The following MAS1 variants were observed in gnomAD, a reference collection of about 807,000 sequenced individuals.
MAS1 encodes MAS1 proto-oncogene, G protein-coupled receptor.
For synonymous variants in MAS1, 163 were observed against 164.2 expected (o/e 0.99, Z 0.05); for missense variants, 387 against 409.7 (o/e 0.94, Z 0.48).
chr6:159,894,418 CAA>C lies in MAS1; in HGVS notation c.-244+3305_-244+3306del, dbSNP rs5881344. On this transcript the variant is annotated intron_variant, in intron 1 of 2. Coordinates refer to ENST00000674077, the MANE Select transcript of MAS1 (RefSeq NM_002377.4). ...TGGGCGACAGAGTGAGACCCTGTCT[CAA>C]AAAAAAAAAAAAAAAAAAAGAATGG... Among the ~76,000 whole-genome samples, 538 of 79,116 alleles carry C rather than the reference CAA, an allele frequency of 6.8e-3. 3 individuals carry two copies. The highest frequency in any genetic ancestry group is 0.023 in the African/African-American group (467 of 20,666). The allele number at this position is 79,116 out of a possible 152,430, so 51.9% of individuals were successfully genotyped here.
At chr6:159,901,012 C>G in intron 2 of MAS1, among the ~76,000 whole-genome samples, 1 of 152,278 alleles carries the variant, frequency 6.6e-6, no homozygotes, top group South Asian at 2.1e-4. Flanking sequence ...AGTCCAAGAT[C>G]GAGGCACCGT....
intron 2 of MAS1, among the ~76,000 whole-genome samples, chr6:159,904,118 T>G (rs1248147947): frequency 6.6e-6 from 1 of 152,028 alleles, no homozygotes; most frequent in Non-Finnish European, 1.5e-5. Context: ...CTCTGTCAGG[T>G]CATCCTCAGT....
At chr6:159,895,917 T>G (rs1291215425) in intron 1 of MAS1, among the ~76,000 whole-genome samples, 5 of 152,206 alleles carry the variant, frequency 3.3e-5, no homozygotes, top group African/African-American at 1.2e-4. Context: ...TGCACAAAAT[T>G]TGCATCCATA....
Position 159,907,924 on chromosome 6 carries a change from T to A in MAS1, c.969T>A (p.Thr323=), listed in dbSNP as rs146451067. 6.9e-6 allele frequency: 11 copies of A among 1,593,860 alleles called. No homozygotes were observed. In the African/African-American group the frequency reaches 1.5e-4, roughly 22 times the overall value. The change falls in exon 3 of 3, where the codon ACT becomes ACA. Residue 323 remains threonine, a synonymous_variant. Transcript: ENST00000674077. ...ATTGTAATACGGTCACAGTTGAGAC[T>A]GTCGTCTAAGAACTGTGAGGGAAGT... ...KDNCNTVTVE[T]VV
At chr6:159,888,862 G>T (rs1370203399), upstream of MAS1, among the ~76,000 whole-genome samples, 1 of 152,154 alleles carries the variant, frequency 6.6e-6, no homozygotes, top group Non-Finnish European at 1.5e-5. Context: ...GACAAACCAA[G>T]CACAGAAATA....
Position 159,912,706 on chromosome 6 carries a change from C to T in MAS1, c.*4773C>T, listed in dbSNP as rs937504221. 1 of 152,194 alleles carries T rather than the reference C, an allele frequency of 6.6e-6. No homozygotes were observed. Among genetic ancestry groups the T allele is most frequent in the African/African-American group, 2.4e-5 (1 of 41,440 alleles). 9.4% of individuals were successfully genotyped at this position (152,194 alleles called of 1,614,324 possible). A position where few individuals can be genotyped will look rare whatever the true frequency, so the allele number is the denominator to read the frequency against. On this transcript the variant is annotated 3_prime_UTR_variant, in exon 3 of 3. Transcript: ENST00000674077. ...TTAGCACCAGAGTCTCTCTCACTGC[C>T]TCATCTACAGTTTTGTGGATCAGTC...
At chr6:159,904,522 T>G (rs141947630) in intron 2 of MAS1, among the ~76,000 whole-genome samples, 122 of 152,308 alleles carry the variant, frequency 8.0e-4, no homozygotes, top group Non-Finnish European at 1.5e-3. Context: ...TCCCACCAGA[T>G]AGTACTACCT....
Position 159,907,185 on chromosome 6 carries a change from A to T in MAS1, c.230A>T (p.Asp77Val). The T allele has an allele frequency of 8.7e-6, 14 of 1,614,254 alleles. No individual in the cohort carries two copies. Among genetic ancestry groups the T allele is most frequent in the Non-Finnish European group, 1.2e-5 (14 of 1,180,046 alleles). Residue 77 changes from aspartate (D) to valine (V), a missense_variant, in exon 3 of 3, where the codon GAC (aspartate) becomes GTC (valine). By Grantham distance (152) the Asp-to-Val change is radical. Transcript: ENST00000674077. The part of the protein sequence containing the change: ...TVYITHLSIA[D>V]ISLLFCIFIL... Reference sequence around the variant, plus strand: ...TACATCACCCACCTGTCTATCGCAGACATCTCACTGCTCTTCTGTATTTTC... The same window carrying T: ...TACATCACCCACCTGTCTATCGCAGTCATCTCACTGCTCTTCTGTATTTTC...
At chr6:159,896,523 G>A (rs1011935988) in intron 1 of MAS1, among the ~76,000 whole-genome samples, 1 of 152,198 alleles carries the variant, frequency 6.6e-6, no homozygotes, top group African/African-American at 2.4e-5. Flanking sequence ...TATCCTAAAT[G>A]TTGAATCTGG....
Position 159,907,741 on chromosome 6 carries a change from C to T in MAS1, c.786C>T (p.His262=). 1 of 1,613,694 alleles carries T rather than the reference C, an allele frequency of 6.2e-7. No individual in the cohort carries two copies. The highest frequency in any genetic ancestry group is 2.2e-5 in the East Asian group (1 of 44,840). Reference sequence around the variant, plus strand: ...ATTGGTCGACCTTTGGGAACCTACACCACATTTCCCTGCTCTTCTCCACAA... The same window carrying T: ...ATTGGTCGACCTTTGGGAACCTACATCACATTTCCCTGCTCTTCTCCACAA... ...YEYWSTFGNL[H]HISLLFSTIN... Residue 262 remains histidine, a synonymous_variant, in exon 3 of 3, where the codon CAC becomes CAT. Transcript: ENST00000674077.
At chr6:159,889,338 G>A (rs536776918), upstream of MAS1, among the ~76,000 whole-genome samples, 6 of 152,266 alleles carry the variant, frequency 3.9e-5, no homozygotes, top group East Asian at 7.7e-4. Flanking sequence ...GTCACTCTGC[G>A]CAGGGTTTCA....
At position 159,907,281 on chromosome 6, in the gene MAS1, C is replaced by A; in HGVS notation, c.326C>A (p.Ser109Ter). 6.2e-7 allele frequency: 1 copy of A among 1,614,178 alleles called. No homozygotes were observed. The highest frequency in any genetic ancestry group is 8.5e-7 in the Non-Finnish European group (1 of 1,180,022). The change falls in exon 3 of 3, where the codon TCA (serine) becomes TAA (stop). Residue 109 changes from serine to a stop codon, truncating the protein, a stop_gained. Transcript: ENST00000674077. LOFTEE classifies it low-confidence loss of function (END_TRUNC). ...SGHYYTIVTLSVTFLFGYNTG... is the reference protein window; with the variant it reads ...SGHYYTIVTL ...CATTACTACACAATTGTCACATTAT[C>A]AGTGACTTTTCTGTTTGGCTACAAC...
chr6:159,906,997 CA>C lies in MAS1; in HGVS notation c.43del (p.Thr15ArgfsTer26). The C allele has an allele frequency of 6.2e-7, 1 of 1,611,856 alleles. No homozygotes were observed. The highest frequency in any genetic ancestry group is 1.1e-5 in the South Asian group (1 of 91,040). Reference protein sequence around the residue: ...NVTSFVVEEPTNISTGRNASV... With the variant: ...NVTSFVVEEPXNISTGRNASV... ...TGACATCATTTGTTGTTGAGGAACC[CA>C]CGAACATCTCAACTGGCAGGAACGC... On this transcript the variant is annotated frameshift_variant, in exon 3 of 3. Transcript: ENST00000674077. LOFTEE classifies it low-confidence loss of function (END_TRUNC).
upstream of MAS1, among the ~76,000 whole-genome samples, chr6:159,889,391 C>A (rs1390714051): frequency 1.3e-5 from 2 of 152,174 alleles, no homozygotes; most frequent in Non-Finnish European, 2.9e-5. Context: ...AACATCTGGG[C>A]AGCCCCTGAT....
rs1194751299 is a variant in MAS1 at position 159,911,395 on chromosome 6, C to T, written c.*3462C>T. ...TGTTGCCCCAGCTGGAGTGCGGTGG[C>T]GTGATTTCGGCTCACTGCAACCTCC... On this transcript the variant is annotated 3_prime_UTR_variant, in exon 3 of 3. Coordinates refer to ENST00000674077, the MANE Select transcript of MAS1 (RefSeq NM_002377.4). 39 of 127,146 alleles carry T rather than the reference C, an allele frequency of 3.1e-4. No homozygotes were observed. The highest frequency in any genetic ancestry group is 5.2e-3 in the Middle Eastern group (1 of 192). 7.9% of individuals were successfully genotyped at this position (127,146 alleles called of 1,614,324 possible).
chr6:159,896,492 A>C (rs375125460), intron 1 of MAS1, among the ~76,000 whole-genome samples: 8 of 152,240 alleles, frequency 5.3e-5, no homozygotes, highest in African/African-American at 1.9e-4. Flanking sequence ...TGTGTAAGAC[A>C]TTGAACAAAG....
At chr6:159,894,454 G>A (rs1403349023) in intron 1 of MAS1, among the ~76,000 whole-genome samples, 3 of 151,568 alleles carry the variant, frequency 2.0e-5, no homozygotes, top group Admixed American at 6.6e-5. Context: ...GGAGCCTGGT[G>A]GAACTCCAAG....
At chr6:159,889,497 G>A (rs1782674388), upstream of MAS1, among the ~76,000 whole-genome samples, 1 of 152,092 alleles carries the variant, frequency 6.6e-6, no homozygotes, top group Non-Finnish European at 1.5e-5. Flanking sequence ...TCCCCTGCTG[G>A]GATTGGAAGC....
upstream of MAS1, among the ~76,000 whole-genome samples, chr6:159,890,513 C>T (rs6927993): frequency 0.12 from 17,906 of 152,162 alleles, 1,221 homozygotes; most frequent in African/African-American, 0.19. Context: ...TGATACTCTC[C>T]GAAACTGGGT....
Sources: gnomAD v4.1 joint callset for allele counts (sites outside exome capture counted in the v4.1 genomes callset) on GRCh38, gnomAD v4.1.1 for gene constraint, MANE v1.5 for transcripts, NCBI Gene and HGNC (gene_info 2026-07-23, HGNC 2026-07-21) for gene names.